The following SYT1 variants were observed in gnomAD, a reference collection of about 807,000 sequenced individuals.
SYT1 encodes the protein synaptotagmin 1, also known as synaptotagmin-1.
SYT1 carries 8 observed loss-of-function variants against 44.8 expected under a neutral mutation model. That is an observed-to-expected ratio of 0.18 (90% CI 0.10 to 0.32). The LOEUF is 0.32. Among genes scored for constraint, SYT1 ranks in the 10% least tolerant of loss-of-function variants. SYT1 has a pLI of 1.00. For synonymous variants in SYT1, 154 were observed against 188.8 expected (o/e 0.82, Z 1.51); for missense variants, 286 against 509.3 (o/e 0.56, Z 4.22).
At chr12:79,090,024 C>A (rs1242313923) in intron 3 of SYT1, among the ~76,000 whole-genome samples, 1 of 152,008 alleles carries the variant, frequency 6.6e-6, no homozygotes, top group Non-Finnish European at 1.5e-5. Flanking sequence ...TTTGTGTGGG[C>A]TAACACCCTA....
chr12:79,298,105 CT>C (rs762719178), intron 7 of SYT1, among the ~76,000 whole-genome samples: 1 of 152,120 alleles, frequency 6.6e-6, no homozygotes, highest in Non-Finnish European at 1.5e-5. Context: ...GGTACAAGGT[CT>C]GTCTGACCCC....
At chr12:78,891,873 T>C (rs529840362) in intron 1 of SYT1, among the ~76,000 whole-genome samples, 1 of 152,012 alleles carries the variant, frequency 6.6e-6, no homozygotes, top group African/African-American at 2.4e-5. Flanking sequence ...ATCTCATTAG[T>C]GTCTTCTTAG....
intron 3 of SYT1, among the ~76,000 whole-genome samples, chr12:79,162,005 G>A (rs757217909): frequency 2.6e-5 from 4 of 152,002 alleles, no homozygotes; most frequent in Non-Finnish European, 4.4e-5. Flanking sequence ...CAAAGAAAAG[G>A]TTTTCTTGAA....
chr12:79,127,274 A>T (rs1245669641), intron 3 of SYT1, among the ~76,000 whole-genome samples: 1 of 152,234 alleles, frequency 6.6e-6, no homozygotes, highest in African/African-American at 2.4e-5. Context: ...ACATTCCAAA[A>T]ATAAATTTTA....
intron 4 of SYT1, among the ~76,000 whole-genome samples, chr12:79,244,836 C>T (rs1876725976): frequency 1.3e-5 from 2 of 151,590 alleles, no homozygotes; most frequent in African/African-American, 2.4e-5. Flanking sequence ...GACTTTTGAA[C>T]GGCTTTTTTT....
chr12:78,920,966 C>T (rs1029427767), intron 1 of SYT1, among the ~76,000 whole-genome samples: 8 of 151,842 alleles, frequency 5.3e-5, no homozygotes, highest in South Asian at 2.1e-4. Context: ...CATTTCTACA[C>T]GATTGATAGA....
chr12:78,981,876 C>T (rs1467529048), intron 2 of SYT1, among the ~76,000 whole-genome samples: 3 of 152,102 alleles, frequency 2.0e-5, no homozygotes, highest in Non-Finnish European at 4.4e-5. Flanking sequence ...TACCATTTCT[C>T]ATTTATTTTC....
At chr12:78,875,502 G>T (rs1251957979) in intron 1 of SYT1, among the ~76,000 whole-genome samples, 1 of 151,662 alleles carries the variant, frequency 6.6e-6, no homozygotes, top group Non-Finnish European at 1.5e-5. Flanking sequence ...TCAGGGGAAA[G>T]CACTGGGGTC....
In SYT1 at chr12:79,236,436, TTC is replaced by T. The variant is rs1415875886; in HGVS notation, c.166+18754_166+18755del. On this transcript the variant is annotated intron_variant, in intron 4 of 10. Transcript: ENST00000261205. ...TGTTGTTTTACCTTAGTCTGTGGTG[TTC>T]TCCCATCTGAAATGACATTACCCCC... Among the ~76,000 whole-genome samples, 5 of 152,298 alleles carry T rather than the reference TTC, an allele frequency of 3.3e-5. No individual in the cohort carries two copies. In the East Asian group the frequency reaches 9.7e-4, roughly 29 times the overall value.
chr12:78,944,552 C>G (rs557250431), intron 1 of SYT1, among the ~76,000 whole-genome samples: 1 of 151,836 alleles, frequency 6.6e-6, no homozygotes, highest in South Asian at 2.1e-4. Flanking sequence ...ATTAAAAACT[C>G]CCTTAGAGAA....
chr12:79,100,236 G>A (rs1878369731), intron 3 of SYT1, among the ~76,000 whole-genome samples: 1 of 152,018 alleles, frequency 6.6e-6, no homozygotes, highest in South Asian at 2.1e-4. Flanking sequence ...TTTATGATGA[G>A]GAAAAGAGGT....
intron 9 of SYT1, among the ~76,000 whole-genome samples, chr12:79,435,536 G>C (rs1019373298): frequency 6.6e-6 from 1 of 152,076 alleles, no homozygotes; most frequent in East Asian, 1.9e-4. Flanking sequence ...AAGAGTGATA[G>C]GCAGTTTGGG....
intron 1 of SYT1, among the ~76,000 whole-genome samples, chr12:78,923,304 G>T (rs760021450): frequency 1.3e-5 from 2 of 151,912 alleles, no homozygotes; most frequent in Non-Finnish European, 2.9e-5. Flanking sequence ...CACTTATTGG[G>T]CAATGCAGTT....
At chr12:79,118,576 G>A (rs201570940) in intron 3 of SYT1, among the ~76,000 whole-genome samples, 2 of 152,102 alleles carry the variant, frequency 1.3e-5, no homozygotes, top group Non-Finnish European at 2.9e-5. Flanking sequence ...AACAGCACTA[G>A]TATAGAAATT....
At chr12:78,909,371 C>T (rs1162175597) in intron 1 of SYT1, among the ~76,000 whole-genome samples, 1 of 151,012 alleles carries the variant, frequency 6.6e-6, no homozygotes, top group Non-Finnish European at 1.5e-5. Context: ...TATTTTTTTT[C>T]TTATTACATC....
At chr12:78,918,644 C>G (rs1014607125) in intron 1 of SYT1, among the ~76,000 whole-genome samples, 6 of 152,056 alleles carry the variant, frequency 3.9e-5, no homozygotes, top group Admixed American at 3.3e-4. Flanking sequence ...CTCATCAGAG[C>G]AGCACCCAGA....
chr12:78,984,993 G>T (rs1016975661), intron 2 of SYT1, among the ~76,000 whole-genome samples: 2 of 151,850 alleles, frequency 1.3e-5, no homozygotes, highest in East Asian at 3.9e-4. Flanking sequence ...AAAGAAAGAT[G>T]CATCAAGTGT....
At chr12:78,873,080 T>G (rs1873903088) in intron 1 of SYT1, among the ~76,000 whole-genome samples, 1 of 151,626 alleles carries the variant, frequency 6.6e-6, no homozygotes, top group Admixed American at 6.6e-5. Flanking sequence ...CACTGTATTT[T>G]TATTTGTTTA....
At chr12:79,319,343 C>T (rs7300916) in intron 8 of SYT1, among the ~76,000 whole-genome samples, 1,618 of 152,202 alleles carry the variant, frequency 0.011, 31 homozygotes, top group African/African-American at 0.037. Context: ...GTGGGGTAGG[C>T]GCCATTATTA....
Sources: allele counts gnomAD v4.1 joint callset (sites outside exome capture counted in the v4.1 genomes callset), GRCh38; gene constraint gnomAD v4.1.1; transcripts MANE v1.5; gene names NCBI Gene and HGNC (gene_info 2026-07-23, HGNC 2026-07-21).